Variants in PRLR observed in about 807,000 individuals in gnomAD.
PRLR encodes hPRL receptor.
A neutral mutation model predicts 40.2 loss-of-function variants in PRLR; 13 were observed. The ratio of observed to expected loss-of-function variants is 0.32; its 90% CI spans 0.21 to 0.51. The LOEUF (loss-of-function observed/expected upper bound fraction) is 0.51, where lower values mean the gene tolerates loss of function less well. PRLR is among the 20% of genes least tolerant of loss of function. The pLI, the probability that PRLR is intolerant of heterozygous loss-of-function variation, is 0.97. For synonymous variants in PRLR, 269 were observed against 278.7 expected (o/e 0.97, Z 0.35); for missense variants, 656 against 747.3 (o/e 0.88, Z 1.42).
intron 1 of PRLR, among the ~76,000 whole-genome samples, chr5:35,207,512 A>G (rs1776053380): frequency 6.6e-6 from 1 of 152,130 alleles, no homozygotes; most frequent in Non-Finnish European, 1.5e-5. Flanking sequence ...GAATTGAGTA[A>G]GTGGGAAAAC....
chr5:35,087,422 T>TTGTGTGTGTG (rs10691744), intron 3 of PRLR, among the ~76,000 whole-genome samples: 5,050 of 140,828 alleles, frequency 0.036, 156 homozygotes, highest in Middle Eastern at 0.099. Flanking sequence ...TCTCTTTCCT[T>TTGTGTGTGTG]TGTGTGTGTG....
In PRLR at chr5:35,065,834, T is replaced by C. The variant is rs1410385324; in HGVS notation, c.1124A>G (p.Tyr375Cys). The C allele has an allele frequency of 5.6e-6, 9 of 1,614,010 alleles. No homozygotes were observed. The highest frequency in any genetic ancestry group is 1.1e-5 in the South Asian group (1 of 91,086). ...EEPQANPSTF[Y>C]DPEVIEKPEN... ...TGGCTTCTCAATGACCTCAGGATCATAGAATGTGGAGGGATTGGCCTGGGG... is the reference window on the plus strand; with the variant it reads ...TGGCTTCTCAATGACCTCAGGATCACAGAATGTGGAGGGATTGGCCTGGGG... The change falls in exon 10 of 10, where the codon TAT (tyrosine) becomes TGT (cysteine). Residue 375 changes from tyrosine (Y) to cysteine (C), a missense_variant. Transcript: ENST00000618457.
At chr5:35,210,625 G>T (rs926211207) in intron 1 of PRLR, among the ~76,000 whole-genome samples, 1 of 152,168 alleles carries the variant, frequency 6.6e-6, no homozygotes, top group African/African-American at 2.4e-5. Context: ...TTATATCCAA[G>T]ATTTTCTCAT....
chr5:35,195,868 C>T (rs146000317), intron 1 of PRLR, among the ~76,000 whole-genome samples: 2 of 152,234 alleles, frequency 1.3e-5, no homozygotes, highest in Admixed American at 1.3e-4. Flanking sequence ...TGACAACTTG[C>T]TCACATGTGT....
intron 1 of PRLR, among the ~76,000 whole-genome samples, chr5:35,162,323 C>G (rs527918884): frequency 6.6e-6 from 1 of 152,234 alleles, no homozygotes; most frequent in South Asian, 2.1e-4. Context: ...AGATTGGCTC[C>G]CAAAACAAAC....
At chr5:35,201,920 A>G (rs958251787) in intron 1 of PRLR, among the ~76,000 whole-genome samples, 6 of 152,320 alleles carry the variant, frequency 3.9e-5, no homozygotes, top group Non-Finnish European at 5.9e-5. Flanking sequence ...CAATTTATCA[A>G]ACCTATTCTG....
chr5:35,132,723 T>C (rs1208399610), intron 1 of PRLR, among the ~76,000 whole-genome samples: 1 of 152,216 alleles, frequency 6.6e-6, no homozygotes, highest in Non-Finnish European at 1.5e-5. Context: ...TATTGTTAAA[T>C]ATCATAGGAC....
chr5:35,174,234 C>T (rs1301100812), intron 1 of PRLR, among the ~76,000 whole-genome samples: 3 of 152,256 alleles, frequency 2.0e-5, no homozygotes, highest in Non-Finnish European at 2.9e-5. Flanking sequence ...GGACTACAGG[C>T]GTAGGCCGCC....
chr5:35,176,030 G>T (rs953987507), intron 1 of PRLR, among the ~76,000 whole-genome samples: 1 of 152,076 alleles, frequency 6.6e-6, no homozygotes, highest in Non-Finnish European at 1.5e-5. Flanking sequence ...AATATCATGT[G>T]TGTATATTAG....
At chr5:35,173,722 A>T (rs368417020) in intron 1 of PRLR, among the ~76,000 whole-genome samples, 1 of 152,192 alleles carries the variant, frequency 6.6e-6, no homozygotes, top group African/African-American at 2.4e-5. Flanking sequence ...TGAAAGACAC[A>T]CTGATGCTTC....
At chr5:35,229,355 C>A (rs578092843) in intron 1 of PRLR, among the ~76,000 whole-genome samples, 1 of 152,126 alleles carries the variant, frequency 6.6e-6, no homozygotes, top group African/African-American at 2.4e-5. Flanking sequence ...TGTTTTGCAA[C>A]CATTTTCAAG....
intron 1 of PRLR, among the ~76,000 whole-genome samples, chr5:35,136,306 C>A (rs964186844): frequency 1.3e-5 from 2 of 152,160 alleles, no homozygotes; most frequent in Admixed American, 6.5e-5. Flanking sequence ...GAAAAAGAGA[C>A]GAGCAGCTTG....
intron 2 of PRLR, among the ~76,000 whole-genome samples, chr5:35,105,758 C>T (rs568807433): frequency 3.7e-4 from 56 of 152,268 alleles, no homozygotes; most frequent in Middle Eastern, 3.4e-3. Flanking sequence ...GATTGGTGTA[C>T]CTGAAAGTAA....
At chr5:35,085,411 G>A (rs1312082172) in intron 4 of PRLR, among the ~76,000 whole-genome samples, 2 of 152,210 alleles carry the variant, frequency 1.3e-5, no homozygotes, top group African/African-American at 4.8e-5. Flanking sequence ...TTTCCTTTCT[G>A]AAGAAGAATG....
chr5:35,144,049 T>A (rs2111833030), intron 1 of PRLR, among the ~76,000 whole-genome samples: 1 of 149,350 alleles, frequency 6.7e-6, no homozygotes, highest in Admixed American at 6.8e-5. Flanking sequence ...TCATTATTAA[T>A]ACATTTCTAT....
At chr5:35,145,738 A>G (rs1774166241) in intron 1 of PRLR, among the ~76,000 whole-genome samples, 2 of 152,218 alleles carry the variant, frequency 1.3e-5, no homozygotes, top group African/African-American at 4.8e-5. Context: ...ACAAATGTTC[A>G]CTGAAATGAA....
chr5:35,085,113 A>T (rs943090214), intron 4 of PRLR, among the ~76,000 whole-genome samples: 1 of 152,206 alleles, frequency 6.6e-6, no homozygotes, highest in Admixed American at 6.5e-5. Context: ...ACAAAAACTG[A>T]TGTTGGTCCA....
intron 1 of PRLR, among the ~76,000 whole-genome samples, chr5:35,171,919 G>A (rs4703505): frequency 0.31 from 46,766 of 151,968 alleles, 7,477 homozygotes; most frequent in African/African-American, 0.39. Context: ...ATGCAAAAAA[G>A]TCTCACTTAA....
At chr5:35,123,974 G>GGGGGAAGATGTCAGAGGAAAA (rs1238052531) in intron 1 of PRLR, among the ~76,000 whole-genome samples, 5 of 152,156 alleles carry the variant, frequency 3.3e-5, no homozygotes, top group Non-Finnish European at 5.9e-5. Context: ...TAACAGAGCT[G>GGGGGAAGATGTCAGAGGAAAA]GGGGAAGATG....
Sources: gnomAD v4.1 joint callset for allele counts (sites outside exome capture counted in the v4.1 genomes callset) on GRCh38, gnomAD v4.1.1 for gene constraint, MANE v1.5 for transcripts, NCBI Gene and HGNC (gene_info 2026-07-23, HGNC 2026-07-21) for gene names.